The following MEGF11 variants were observed in gnomAD, a reference collection of about 807,000 sequenced individuals.
MEGF11 encodes the protein multiple epidermal growth factor-like domains protein 11.
A neutral mutation model predicts 146.6 loss-of-function variants in MEGF11; 126 were observed. The observed-to-expected ratio is 0.86, with a 90% CI of 0.74 to 1.00. The LOEUF is 1.00. Ranked by LOEUF, MEGF11 falls within the 50% of genes least tolerant of loss-of-function variation. The pLI is 0.00. For synonymous variants in MEGF11, 532 were observed against 583.4 expected, an observed-to-expected ratio of 0.91 and a Z score of 1.27; for missense variants, 1,509 against 1,521.2, an observed-to-expected ratio of 0.99 and a Z score of 0.13.
At chr15:66,151,988 C>A (rs1429546224) in intron 1 of MEGF11, among the ~76,000 whole-genome samples, 1 of 152,248 alleles carries the variant, frequency 6.6e-6, no homozygotes, top group Non-Finnish European at 1.5e-5. Flanking sequence ...CAGGCAGATG[C>A]AGCAGCACCG....
At chr15:66,185,266 T>C (rs2090664402) in intron 1 of MEGF11, among the ~76,000 whole-genome samples, 1 of 152,106 alleles carries the variant, frequency 6.6e-6, no homozygotes, top group Non-Finnish European at 1.5e-5. Context: ...CTGCCTCAAG[T>C]TCTGCAGAGA....
chr15:66,038,695 T>C (rs556097187), intron 5 of MEGF11, among the ~76,000 whole-genome samples: 1 of 152,114 alleles, frequency 6.6e-6, no homozygotes, highest in South Asian at 2.1e-4. Flanking sequence ...TCACACCTAT[T>C]ATGAAACAGA....
intron 10 of MEGF11, among the ~76,000 whole-genome samples, chr15:65,947,887 C>T (rs1027486033): frequency 1.1e-4 from 16 of 152,170 alleles, no homozygotes; most frequent in Non-Finnish European, 1.8e-4. Context: ...AATGAGGGTA[C>T]TGATAATAAG....
intron 19 of MEGF11, among the ~76,000 whole-genome samples, chr15:65,914,828 A>G (rs1188861878): frequency 6.6e-6 from 1 of 152,208 alleles, no homozygotes; most frequent in Non-Finnish European, 1.5e-5. Context: ...TAGAACCAAC[A>G]TGTTTGCAGC....
At chr15:66,243,261 T>G (rs67543551) in intron 1 of MEGF11, among the ~76,000 whole-genome samples, 23,950 of 152,172 alleles carry the variant, frequency 0.16, 2,981 homozygotes, top group African/African-American at 0.34. Flanking sequence ...GGTCCCAGGT[T>G]GACGGTTGCC....
intron 1 of MEGF11, among the ~76,000 whole-genome samples, chr15:66,185,430 A>G (rs563811258): frequency 1.2e-4 from 18 of 152,120 alleles, no homozygotes; most frequent in African/African-American, 4.3e-4. Context: ...CACAATTTCA[A>G]CACTGCTGTG....
intron 8 of MEGF11, among the ~76,000 whole-genome samples, chr15:65,968,097 A>G (rs1318258807): frequency 9.0e-6 from 1 of 110,868 alleles, no homozygotes; most frequent in Non-Finnish European, 1.8e-5. Flanking sequence ...ATGAAGGGAA[A>G]GAGAGCAGAA....
chr15:66,153,089 T>C (rs1444332510), intron 1 of MEGF11, among the ~76,000 whole-genome samples: 1 of 152,160 alleles, frequency 6.6e-6, no homozygotes, highest in African/African-American at 2.4e-5. Context: ...CCTTCCACAC[T>C]CAGTCCTTTT....
chr15:66,119,307 G>A (rs886503527), intron 3 of MEGF11, 121 bp from the exon 4 acceptor site: 16 of 679,344 alleles, frequency 2.4e-5, no homozygotes, highest in Admixed American at 5.4e-5. Flanking sequence ...AATGCATGGC[G>A]ACTTCAAATA....
intron 5 of MEGF11, among the ~76,000 whole-genome samples, chr15:66,025,063 A>C (rs1269438276): frequency 2.0e-5 from 3 of 151,836 alleles, no homozygotes; most frequent in Non-Finnish European, 4.4e-5. Flanking sequence ...CCCTCACTGG[A>C]TAATGAAGAT....
chr15:66,008,448 C>A (rs967860008), intron 5 of MEGF11, among the ~76,000 whole-genome samples: 17 of 151,682 alleles, frequency 1.1e-4, no homozygotes, highest in African/African-American at 4.1e-4. Flanking sequence ...CACACACACA[C>A]ACAAAATTAC....
intron 5 of MEGF11, among the ~76,000 whole-genome samples, chr15:66,028,999 A>G (rs1361228834): frequency 1.3e-5 from 2 of 152,216 alleles, no homozygotes; most frequent in Non-Finnish European, 2.9e-5. Context: ...AATGACTACA[A>G]GGAGAGAGAG....
chr15:66,200,010 G>C (rs1236435042), intron 1 of MEGF11, among the ~76,000 whole-genome samples: 2 of 152,236 alleles, frequency 1.3e-5, no homozygotes, highest in African/African-American at 4.8e-5. Context: ...AAATTCTCAA[G>C]TTATAAGATG....
chr15:66,136,068 G>A (rs1401148839), intron 1 of MEGF11, among the ~76,000 whole-genome samples: 1 of 152,188 alleles, frequency 6.6e-6, no homozygotes, highest in South Asian at 2.1e-4. Context: ...GGGAGATAAT[G>A]CAGAGGAGGC....
At chr15:66,123,246 T>C (rs1434454408) in intron 3 of MEGF11, among the ~76,000 whole-genome samples, 1 of 152,208 alleles carries the variant, frequency 6.6e-6, no homozygotes, top group Non-Finnish European at 1.5e-5. Context: ...AAGACTGCCA[T>C]GTGCAGTTGT....
At chr15:66,129,481 G>A (rs1205600280) in intron 1 of MEGF11, among the ~76,000 whole-genome samples, 2 of 152,230 alleles carry the variant, frequency 1.3e-5, no homozygotes, top group African/African-American at 4.8e-5. Flanking sequence ...TGAATTCAGA[G>A]TAGCTTTTCT....
At chr15:66,104,905 T>C (rs1033648701) in intron 4 of MEGF11, among the ~76,000 whole-genome samples, 5 of 152,068 alleles carry the variant, frequency 3.3e-5, no homozygotes, top group African/African-American at 7.2e-5. Flanking sequence ...CTCCTCTTCC[T>C]TGGAGCCAGA....
At chr15:65,998,814 A>G (rs1340159508) in intron 5 of MEGF11, among the ~76,000 whole-genome samples, 3 of 152,058 alleles carry the variant, frequency 2.0e-5, no homozygotes, top group African/African-American at 4.8e-5. Context: ...GACCCTTAGG[A>G]TTTCTCATGA....
intron 5 of MEGF11, among the ~76,000 whole-genome samples, chr15:66,041,343 T>A (rs1289951894): frequency 6.6e-6 from 1 of 152,208 alleles, no homozygotes. Flanking sequence ...ATGAAGAACT[T>A]CTCTGGACCT....
Sources: allele counts gnomAD v4.1 joint callset (sites outside exome capture counted in the v4.1 genomes callset), GRCh38; gene constraint gnomAD v4.1.1; transcripts MANE v1.5; gene names NCBI Gene and HGNC (gene_info 2026-07-23, HGNC 2026-07-21).